The following CACNA1A variants were observed in gnomAD, a reference collection of about 807,000 sequenced individuals.
CACNA1A encodes calcium voltage-gated channel subunit alpha1 A.
Under a neutral mutation model 262.4 loss-of-function variants are expected in CACNA1A, and 57 were observed. The ratio of observed to expected loss-of-function variants is 0.22; its 90% CI spans 0.18 to 0.27. CACNA1A has a LOEUF of 0.27. Among genes scored for constraint, CACNA1A ranks in the 10% least tolerant of loss-of-function variants. The pLI is 1.00. For missense variants in CACNA1A, 2,526 were observed against 3,562.8 expected (o/e 0.71, Z 7.41); for synonymous variants, 1,431 against 1,419.3 (o/e 1.01, Z -0.18).
rs1405037521 is a variant in CACNA1A, at chr19:13,252,907, C to T, written c.4866+84G>A. On this transcript the variant is annotated intron_variant, in intron 30 of 46. Transcript: ENST00000360228. ...CTTGAGGTTGGGGTTCTTGGGGCCA[C>T]GTTGGGAGACCATCATCCAGGACCC... is the stretch of plus-strand genomic sequence containing the variant. The T allele has an allele frequency of 5.7e-6, 5 of 876,820 alleles. No homozygotes were observed. In the East Asian group the frequency reaches 1.0e-4, roughly 18 times the overall value. 54.3% of individuals were successfully genotyped at this position (876,820 alleles called of 1,614,324 possible).
intron 31 of CACNA1A, among the ~76,000 whole-genome samples, chr19:13,238,394 G>A (rs771011914): frequency 3.9e-5 from 6 of 152,048 alleles, no homozygotes; most frequent in South Asian, 2.1e-4. Flanking sequence ...TGCTCAGAAG[G>A]ATATGGAGAC....
intron 3 of CACNA1A, among the ~76,000 whole-genome samples, chr19:13,408,869 T>G (rs78349803): frequency 0.035 from 5,334 of 152,184 alleles, 139 homozygotes; most frequent in South Asian, 0.1. Flanking sequence ...GGCTCGATTG[T>G]GTTGTAGGAT....
At chr19:13,435,707 G>A (rs897256013) in intron 3 of CACNA1A, among the ~76,000 whole-genome samples, 1 of 152,116 alleles carries the variant, frequency 6.6e-6, no homozygotes, top group Non-Finnish European at 1.5e-5. Flanking sequence ...TAACTCCCTC[G>A]GGTCACTCGG....
chr19:13,413,716 TAAA>T (rs547824574), intron 3 of CACNA1A, among the ~76,000 whole-genome samples: 1 of 123,464 alleles, frequency 8.1e-6, no homozygotes, highest in Non-Finnish European at 1.7e-5. Flanking sequence ...CCGTCTCTAC[TAAA>T]AAAAAAAAAA....
intron 5 of CACNA1A, chr19:13,362,788 C>G (rs529772047): frequency 6.6e-6 from 1 of 152,218 alleles, no homozygotes; most frequent in Non-Finnish European, 1.5e-5. Flanking sequence ...AAGCAGGAAG[C>G]CTTCCACTTT....
In CACNA1A at chr19:13,212,920, CAA is replaced by C. The variant is rs2054871508; in HGVS notation, c.5941-182_5941-181del. Among the ~76,000 whole-genome samples, 1 of 152,060 alleles carries C rather than the reference CAA, an allele frequency of 6.6e-6. No homozygotes were observed. Among genetic ancestry groups the C allele is most frequent in the Admixed American group, 6.6e-5 (1 of 15,242 alleles). On this transcript the variant is annotated intron_variant, in intron 40 of 46. Coordinates refer to ENST00000360228, the MANE Select transcript of CACNA1A (RefSeq NM_001127222.2). The surrounding 1 kb of genome is among the most constrained non-coding windows in gnomAD (Gnocchi z 5.6). ...CTGGACCACTTCTCACTCCTCCACC[CAA>C]GTCATAGCCCCAGCCTGGTCCCACG...
At chr19:13,418,896 T>C (rs1394399626) in intron 3 of CACNA1A, among the ~76,000 whole-genome samples, 1 of 152,176 alleles carries the variant, frequency 6.6e-6, no homozygotes, top group Non-Finnish European at 1.5e-5. Flanking sequence ...ATATGTTTTT[T>C]ATTTTTTATT....
In CACNA1A at chr19:13,347,499, G is replaced by A. The variant is rs971921359; in HGVS notation, c.979-11590C>T. On this transcript the variant is annotated intron_variant, in intron 6 of 46. Transcript: ENST00000360228. The stretch of plus-strand genomic sequence containing the variant: ...GGCAGTGATCCACAAACTACAGCCC[G>A]CGGGCCAGCCACCTGTTTTTATAGG... Among the ~76,000 whole-genome samples the A allele has an allele frequency of 4.6e-5, 7 of 152,072 alleles. No homozygotes were observed. In the East Asian group the frequency reaches 7.7e-4, roughly 17 times the overall value.
chr19:13,326,788 CAAA>C (rs527327502), intron 10 of CACNA1A, among the ~76,000 whole-genome samples: 28 of 129,420 alleles, frequency 2.2e-4, no homozygotes, highest in Admixed American at 3.0e-4. Context: ...GACACTGTCT[CAAA>C]AAAAAAAAAA....
chr19:13,312,512 C>G (rs2058053851), intron 12 of CACNA1A, 157 bp downstream of exon 12: 1 of 571,646 alleles, frequency 1.7e-6, no homozygotes. Context: ...ACACTGTATC[C>G]TTGCCAGTGT....
At chr19:13,230,590 A>G (rs1228192137) in intron 35 of CACNA1A, among the ~76,000 whole-genome samples, 2 of 152,092 alleles carry the variant, frequency 1.3e-5, no homozygotes, top group Non-Finnish European at 2.9e-5. Flanking sequence ...AGATCACTTG[A>G]GGTCAGGAGT....
chr19:13,433,154 G>A (rs750026336), intron 3 of CACNA1A, among the ~76,000 whole-genome samples: 8 of 151,784 alleles, frequency 5.3e-5, no homozygotes, highest in African/African-American at 1.2e-4. Context: ...TTAGCCAGGC[G>A]AGGTAGCAGG....
chr19:13,414,052 C>G (rs1057339038), intron 3 of CACNA1A, among the ~76,000 whole-genome samples: 11 of 151,634 alleles, frequency 7.3e-5, no homozygotes, highest in Non-Finnish European at 1.6e-4. Flanking sequence ...AGTGGGACCC[C>G]ATCTCTACAA....
chr19:13,364,014 A>ACACACTGCTTC (rs2059159742), intron 5 of CACNA1A: 4 of 130,868 alleles, frequency 3.1e-5, no homozygotes, highest in Non-Finnish European at 5.1e-5. Context: ...ATCGTGGTGG[A>ACACACTGCTTC]CACACTGCTT....
chr19:13,440,807 TG>T (rs1171631547), intron 3 of CACNA1A, among the ~76,000 whole-genome samples: 1 of 152,268 alleles, frequency 6.6e-6, no homozygotes, highest in East Asian at 1.9e-4. Context: ...ATTTTGTTGT[TG>T]TTTTGTGTTT....
At chr19:13,316,976 A>G in intron 11 of CACNA1A, 136 bp downstream of exon 11, 1 of 608,866 alleles carries the variant, frequency 1.6e-6, no homozygotes, top group South Asian at 2.3e-5. Context: ...AGTGACAGTT[A>G]TAGAAATGGC....
intron 5 of CACNA1A, among the ~76,000 whole-genome samples, 151 bp from the exon 6 acceptor site, chr19:13,359,950 G>A (rs1047836252): frequency 6.6e-6 from 1 of 151,882 alleles, no homozygotes; most frequent in African/African-American, 2.4e-5. Context: ...TTGGCTTTGG[G>A]GGTCTATTAT....
At chr19:13,395,767 G>C (rs899753660) in intron 3 of CACNA1A, among the ~76,000 whole-genome samples, 16 of 151,630 alleles carry the variant, frequency 1.1e-4, no homozygotes, top group Non-Finnish European at 1.9e-4. Flanking sequence ...TTATTCCAGA[G>C]AGGGTCCTGC....
intron 3 of CACNA1A, among the ~76,000 whole-genome samples, 172 bp from the exon 4 acceptor site, chr19:13,371,951 T>C (rs1377357018): frequency 2.0e-5 from 3 of 152,100 alleles, no homozygotes; most frequent in Admixed American, 6.6e-5. Context: ...TAACAGTACC[T>C]GCCTCACGGG....
Sources: gnomAD v4.1 joint callset for allele counts (sites outside exome capture counted in the v4.1 genomes callset) on GRCh38, gnomAD v4.1.1 for gene constraint, Gnocchi (gnomAD v3.1) non-coding constraint, MANE v1.5 for transcripts, NCBI Gene and HGNC (gene_info 2026-07-23, HGNC 2026-07-21) for gene names.